NDUFB6: variants seen among roughly 807,000 people sequenced by gnomAD.
NDUFB6 encodes NADH:ubiquinone oxidoreductase subunit B6, also known as NADH dehydrogenase [ubiquinone] 1 beta subcomplex subunit 6.
In NDUFB6, 23 loss-of-function variants were observed where a neutral mutation model predicts 17.5. The ratio of observed to expected loss-of-function variants is 1.31; its 90% CI spans 0.94 to 1.86. The LOEUF is 1.86. Ranked by LOEUF, NDUFB6 falls within the 40% of genes most tolerant of loss-of-function variation. NDUFB6 has a pLI of 0.00. For missense variants in NDUFB6, 167 were observed against 153.8 expected (o/e 1.09, Z -0.46); for synonymous variants, 60 against 53.5 (o/e 1.12, Z -0.53).
intron 1 of NDUFB6, 31 bp from the exon 2 acceptor site, chr9:32,571,083 C>T (rs1821930932): frequency 7.0e-7 from 1 of 1,428,526 alleles, no homozygotes; most frequent in Non-Finnish European, 9.7e-7. Context: ...ACAAAATAAA[C>T]ATATCCCATT....
In NDUFB6 at chr9:32,573,048, T is replaced by C; in HGVS notation, c.13A>G (p.Thr5Ala). Residue 5 changes from threonine to alanine, a missense_variant, in exon 1 of 4, where the codon ACT (threonine) becomes GCT (alanine). Coordinates refer to ENST00000379847, the MANE Select transcript of NDUFB6 (RefSeq NM_002493.5). ...TGCAGCCGCAGTTTCTCATCCGGAG[T>C]GTACCCCGTCATGTCGCCGCTGGTA... Reference protein sequence around the residue: MTGYTPDEKLRLQQL... With the variant: MTGYAPDEKLRLQQL... 1 of 1,579,672 alleles carries C rather than the reference T, an allele frequency of 6.3e-7. No individual in the cohort carries two copies. The highest frequency in any genetic ancestry group is 1.7e-4 in the Middle Eastern group (1 of 5,782).
At chr9:32,566,490 G>C in intron 2 of NDUFB6, 1 of 787,114 alleles carries the variant, frequency 1.3e-6, no homozygotes, top group Non-Finnish European at 2.3e-6. Flanking sequence ...CCTGGCAGGA[G>C]AACTAGCCTT....
At chr9:32,561,360 A>G (rs540899320) in intron 2 of NDUFB6, among the ~76,000 whole-genome samples, 3 of 151,146 alleles carry the variant, frequency 2.0e-5, no homozygotes, top group African/African-American at 7.3e-5. Flanking sequence ...GAGTCTCGTT[A>G]TATCGCTCAG....
chr9:32,555,324 C>A (rs139222439), intron 3 of NDUFB6, among the ~76,000 whole-genome samples: 164 of 152,254 alleles, frequency 1.1e-3, no homozygotes, highest in African/African-American at 3.6e-3. Context: ...TAAGTTAACA[C>A]AAGAAATCTG....
intron 3 of NDUFB6, among the ~76,000 whole-genome samples, chr9:32,556,402 G>A (rs958471827): frequency 3.3e-5 from 5 of 152,198 alleles, no homozygotes; most frequent in Non-Finnish European, 5.9e-5. Context: ...CCTCATATTC[G>A]ATAGGCACGG....
At chr9:32,569,010 A>G (rs565309100) in intron 2 of NDUFB6, among the ~76,000 whole-genome samples, 5 of 151,592 alleles carry the variant, frequency 3.3e-5, no homozygotes, top group African/African-American at 1.2e-4. Flanking sequence ...TGGCCTCCCA[A>G]AGTGGTAGGA....
chr9:32,558,173 G>A (rs1167993054), intron 3 of NDUFB6, among the ~76,000 whole-genome samples: 2 of 147,046 alleles, frequency 1.4e-5, no homozygotes, highest in Non-Finnish European at 3.0e-5. Flanking sequence ...GTGCAGTGGC[G>A]CAACCTCGGC....
At chr9:32,556,946 G>A (rs1821475716) in intron 3 of NDUFB6, among the ~76,000 whole-genome samples, 1 of 143,362 alleles carries the variant, frequency 7.0e-6, no homozygotes, top group Non-Finnish European at 1.5e-5. Context: ...CTGCCTCCCA[G>A]GTTCAGGCAA....
chr9:32,555,826 G>A (rs1297279775), intron 3 of NDUFB6, among the ~76,000 whole-genome samples: 1 of 152,210 alleles, frequency 6.6e-6, no homozygotes, highest in Non-Finnish European at 1.5e-5. Context: ...CAGGAAGAAC[G>A]ATGGATAAAG....
rs1821361161 is a variant in NDUFB6, at chr9:32,553,475, C to G, written c.*401G>C. 5.1e-6 allele frequency: 1 copy of G among 197,430 alleles called. No individual in the cohort carries two copies. Among genetic ancestry groups the G allele is most frequent in the South Asian group, 7.5e-5 (1 of 13,282 alleles). The allele number at this position is 197,430 out of a possible 1,614,324, so 12.2% of individuals were successfully genotyped here. A position where few individuals can be genotyped will look rare whatever the true frequency, so the allele number is the denominator to read the frequency against. On this transcript the variant is annotated 3_prime_UTR_variant, in exon 4 of 4. Coordinates refer to ENST00000379847, the MANE Select transcript of NDUFB6 (RefSeq NM_002493.5). ...AAGTGCTGGGATTACAGGCATGAGC[C>G]ACTGCGCCTGGCCGGAAAGATTTCC...
chr9:32,565,841 A>G (rs1821768686), intron 2 of NDUFB6, among the ~76,000 whole-genome samples: 1 of 152,078 alleles, frequency 6.6e-6, no homozygotes, highest in Non-Finnish European at 1.5e-5. Flanking sequence ...GCATGGTGGC[A>G]CATACCTGTA....
intron 2 of NDUFB6, among the ~76,000 whole-genome samples, chr9:32,559,469 A>C (rs1305834106): frequency 6.6e-6 from 1 of 152,182 alleles, no homozygotes; most frequent in Non-Finnish European, 1.5e-5. Context: ...CTCTGCTCAA[A>C]GTTTCATAAT....
At chr9:32,560,590 A>T (rs1821597947) in intron 2 of NDUFB6, among the ~76,000 whole-genome samples, 1 of 152,244 alleles carries the variant, frequency 6.6e-6, no homozygotes, top group African/African-American at 2.4e-5. Flanking sequence ...ATTCTAGTTA[A>T]AATGCATAAT....
At chr9:32,566,662 A>G in intron 2 of NDUFB6, 1 of 806,384 alleles carries the variant, frequency 1.2e-6, no homozygotes, top group Non-Finnish European at 2.3e-6. Flanking sequence ...TCTCTCAGGT[A>G]ACTCCGGATC....
intron 1 of NDUFB6, among the ~76,000 whole-genome samples, chr9:32,572,478 CTG>C (rs1186351597): frequency 6.6e-6 from 1 of 152,202 alleles, no homozygotes; most frequent in East Asian, 1.9e-4. Flanking sequence ...TGGTTGGATA[CTG>C]TGTTACTTGG....
In NDUFB6 at chr9:32,572,883, T is replaced by A. The variant is rs772883565; in HGVS notation, c.178A>T (p.Met60Leu). The A allele has an allele frequency of 6.3e-6, 10 of 1,577,104 alleles. No individual in the cohort carries two copies. In the Admixed American group the frequency reaches 1.8e-4, roughly 28 times the overall value. Residue 60 changes from methionine to leucine, a missense_variant and splice_region_variant, in exon 1 of 4, where the codon ATG (methionine) becomes TTG (leucine). Physicochemically the swap from Met to Leu is conservative, Grantham distance 15. Transcript: ENST00000379847. ...GACCGGAGAGGTCTGTCACTCACCATTTTCCTCCAAGGGGATTTATTCTCC... is the reference window on the plus strand; with the variant it reads ...GACCGGAGAGGTCTGTCACTCACCAATTTCCTCCAAGGGGATTTATTCTCC... ...FLENKSPWRK[M>L]VHGVYKKSIF... is the part of the protein sequence containing the mutation.
chr9:32,565,658 T>G (rs2119024706), intron 2 of NDUFB6: 1 of 152,932 alleles, frequency 6.5e-6, no homozygotes, highest in African/African-American at 2.4e-5. Flanking sequence ...CCTCTGGAAG[T>G]TGGGCTGTCA....
chr9:32,565,912 C>T (rs1279796613), intron 2 of NDUFB6, among the ~76,000 whole-genome samples: 1 of 152,146 alleles, frequency 6.6e-6, no homozygotes, highest in Non-Finnish European at 1.5e-5. Context: ...GCGGAGGTTG[C>T]AGTGAGCCAG....
At chr9:32,561,326 TTTTC>T (rs1284272333) in intron 2 of NDUFB6, among the ~76,000 whole-genome samples, 1 of 151,700 alleles carries the variant, frequency 6.6e-6, no homozygotes, top group Non-Finnish European at 1.5e-5. Flanking sequence ...AAATTCACTA[TTTTC>T]TTTTTTTTTT....
Sources: gnomAD v4.1 joint callset for allele counts (sites outside exome capture counted in the v4.1 genomes callset) on GRCh38, gnomAD v4.1.1 for gene constraint, MANE v1.5 for transcripts, NCBI Gene and HGNC (gene_info 2026-07-23, HGNC 2026-07-21) for gene names.